Variants in ARHGEF12 observed in about 807,000 individuals in gnomAD.
ARHGEF12 encodes Rho guanine nucleotide exchange factor 12, also known as KMT2A/ARHGEF12 fusion protein.
ARHGEF12 carries 66 observed loss-of-function variants against 211.2 expected under a neutral mutation model. The ratio of observed to expected loss-of-function variants is 0.31; its 90% CI spans 0.26 to 0.38. The LOEUF is 0.38. Among genes scored for constraint, ARHGEF12 ranks in the 10% least tolerant of loss-of-function variants. ARHGEF12 has a pLI of 1.00. For missense variants in ARHGEF12, 1,429 were observed against 1,869.5 expected (o/e 0.76, Z 4.34); for synonymous variants, 592 against 638.4 (o/e 0.93, Z 1.09).
chr11:120,484,985 C>T, intron 40 of ARHGEF12, 82 bp from the exon 41 acceptor site: 3 of 1,436,564 alleles, frequency 2.1e-6, no homozygotes, highest in Non-Finnish European at 2.9e-6. Flanking sequence ...TGAACCACGC[C>T]CACAGATGTC....
rs185111682 is a variant in ARHGEF12 at position 120,444,769 on chromosome 11, T to G, written c.1303-653T>G. Among the ~76,000 whole-genome samples the G allele has an allele frequency of 1.2e-4, 18 of 152,280 alleles. No individual in the cohort carries two copies. The East Asian group carries it at 2.9e-3, about 24-fold the overall frequency. On this transcript the variant is annotated intron_variant, in intron 15 of 40. Transcript: ENST00000397843. The stretch of plus-strand genomic sequence containing the variant: ...GGGAAAACAACAGACTGGTAATTAT[T>G]ATGCAAATATTATGGGGAAAATCCT...
At chr11:120,409,529 C>A in intron 4 of ARHGEF12, 79 bp downstream of exon 4, 1 of 1,406,154 alleles carries the variant, frequency 7.1e-7, no homozygotes, top group Non-Finnish European at 9.9e-7. Context: ...TTTTTCCTTT[C>A]TTTCTTTCTT....
intron 1 of ARHGEF12, among the ~76,000 whole-genome samples, chr11:120,339,292 C>G (rs1942457974): frequency 6.6e-6 from 1 of 151,750 alleles, no homozygotes; most frequent in Admixed American, 6.6e-5. Context: ...TATAAAGCAT[C>G]CATTTGCTGT....
At chr11:120,365,187 T>C (rs112552566) in intron 1 of ARHGEF12, among the ~76,000 whole-genome samples, 143 of 152,178 alleles carry the variant, frequency 9.4e-4, no homozygotes, top group African/African-American at 3.4e-3. Context: ...ACTATGTGTA[T>C]ATATATATAT....
chr11:120,472,706 G>A (rs959562544), intron 30 of ARHGEF12, among the ~76,000 whole-genome samples: 2 of 151,838 alleles, frequency 1.3e-5, no homozygotes, highest in Middle Eastern at 3.2e-3. Context: ...CCAGGCTGGA[G>A]TGCAGTGGCG....
Position 120,486,945 on chromosome 11 carries a change from A to G in ARHGEF12, c.*1868A>G. ...ATGGGATTAAAAATTTTAGAAGCAG[A>G]AGCTAATATATAAATGAAGTTTGGG... On this transcript the variant is annotated 3_prime_UTR_variant, in exon 41 of 41. Coordinates refer to ENST00000397843, the MANE Select transcript of ARHGEF12 (RefSeq NM_015313.3). 4.7e-6 allele frequency: 1 copy of G among 211,468 alleles called. No homozygotes were observed. The highest frequency in any genetic ancestry group is 9.6e-6 in the Non-Finnish European group (1 of 104,242). 13.1% of individuals were successfully genotyped at this position (211,468 alleles called of 1,614,324 possible).
At chr11:120,396,649 C>A (rs1017478299) in intron 1 of ARHGEF12, among the ~76,000 whole-genome samples, 2 of 152,132 alleles carry the variant, frequency 1.3e-5, no homozygotes, top group African/African-American at 2.4e-5. Flanking sequence ...GGATATCACA[C>A]TCTATATAAA....
intron 1 of ARHGEF12, among the ~76,000 whole-genome samples, chr11:120,362,464 A>G (rs894431017): frequency 1.3e-5 from 2 of 152,186 alleles, no homozygotes; most frequent in African/African-American, 2.4e-5. Context: ...GTTGAATTGT[A>G]TAATCTCAAC....
In ARHGEF12 at chr11:120,338,010, C is replaced by CA. The variant is rs1302589925; in HGVS notation, c.32+736dup. ...TGAGTTCTGTGTCTGTCCTTTATAG[C>CA]ACCTACCAGTGTTGCATGGTGGTGG... is the stretch of plus-strand genomic sequence containing the variant. On this transcript the variant is annotated intron_variant, in intron 1 of 40. Transcript: ENST00000397843. 9 of 656,482 alleles carry CA rather than the reference C, an allele frequency of 1.4e-5. No individual in the cohort carries two copies. In the African/African-American group the frequency reaches 1.8e-4, roughly 13 times the overall value. The allele number at this position is 656,482 out of a possible 1,614,324, so 40.7% of individuals were successfully genotyped here.
At chr11:120,395,091 C>G (rs1206644341) in intron 1 of ARHGEF12, among the ~76,000 whole-genome samples, 1 of 146,500 alleles carries the variant, frequency 6.8e-6, no homozygotes, top group Non-Finnish European at 1.5e-5. Flanking sequence ...GATAAGGGAG[C>G]ATTATGAATA....
chr11:120,340,135 T>G (rs1170603800), intron 1 of ARHGEF12, among the ~76,000 whole-genome samples: 1 of 152,256 alleles, frequency 6.6e-6, no homozygotes, highest in African/African-American at 2.4e-5. Flanking sequence ...TTAGTCTGCA[T>G]TGATTGCTGC....
Position 120,459,354 on chromosome 11 carries a change from C to G in ARHGEF12, c.2527+34C>G, listed in dbSNP as rs764875758. On this transcript the variant is annotated intron_variant, in intron 26 of 40. Coordinates refer to ENST00000397843, the MANE Select transcript of ARHGEF12 (RefSeq NM_015313.3). ...AATTAGCTCTGATCTTTGCCCCTAA[C>G]ATTTCCAATAGAGAAAAGATTGTGA... 5 of 1,593,940 alleles carry G rather than the reference C, an allele frequency of 3.1e-6. No individual in the cohort carries two copies. In the South Asian group the frequency reaches 4.5e-5, roughly 14 times the overall value.
intron 1 of ARHGEF12, among the ~76,000 whole-genome samples, chr11:120,385,976 G>A (rs891940231): frequency 6.6e-6 from 1 of 152,102 alleles, no homozygotes; most frequent in East Asian, 1.9e-4. Flanking sequence ...ATTACAGTGG[G>A]GGAAGGGAGT....
intron 22 of ARHGEF12, 81 bp from the exon 23 acceptor site, chr11:120,457,037 G>A: frequency 2.9e-6 from 4 of 1,401,194 alleles, no homozygotes; most frequent in Non-Finnish European, 3.9e-6. Flanking sequence ...GGCTGAAGCT[G>A]TTCTGGGAAC....
intron 7 of ARHGEF12, among the ~76,000 whole-genome samples, 156 bp from the exon 8 acceptor site, chr11:120,427,913 T>C (rs1945396123): frequency 6.6e-6 from 1 of 152,194 alleles, no homozygotes; most frequent in African/African-American, 2.4e-5. Flanking sequence ...AAATTAGTTT[T>C]TTTTTCTGTG....
intron 22 of ARHGEF12, among the ~76,000 whole-genome samples, chr11:120,456,868 C>T (rs551315914): frequency 7.0e-4 from 107 of 152,026 alleles, no homozygotes; most frequent in African/African-American, 2.4e-3. Context: ...TGTGGTGGCA[C>T]GCAACTGTAG....
chr11:120,376,469 A>T (rs1943726851), intron 1 of ARHGEF12, among the ~76,000 whole-genome samples: 1 of 152,318 alleles, frequency 6.6e-6, no homozygotes, highest in African/African-American at 2.4e-5. Flanking sequence ...TTTAAAAAAT[A>T]GACTGAGATA....
chr11:120,457,137 A>C lies in ARHGEF12; in HGVS notation c.2076A>C (p.Glu692Asp). 6.2e-7 allele frequency: 1 copy of C among 1,613,956 alleles called. No individual in the cohort carries two copies. The highest frequency in any genetic ancestry group is 8.5e-7 in the Non-Finnish European group (1 of 1,179,924). Residue 692 changes from glutamate (E) to aspartate (D), a missense_variant, in exon 23 of 41, where the codon GAA (glutamate) becomes GAC (aspartate). By Grantham distance (45) the Glu-to-Asp change is conservative. Transcript: ENST00000397843. ...ENDTGSKQVGETSAPGDTLDG... is the reference protein window; with the variant it reads ...ENDTGSKQVGDTSAPGDTLDG... ...CTACAGGATCAAAGCAAGTTGGAGAAACATCAGCACCTGGAGACACCTTAG... is the reference window on the plus strand; with the variant it reads ...CTACAGGATCAAAGCAAGTTGGAGACACATCAGCACCTGGAGACACCTTAG...
Position 120,481,916 on chromosome 11 carries a change from C to T in ARHGEF12, c.4554+340C>T, listed in dbSNP as rs531540976. 4.3e-3 allele frequency among the ~76,000 whole-genome samples: 655 copies of T among 152,164 alleles called. 1 individual carries two copies. Among genetic ancestry groups the T allele is most frequent in the Non-Finnish European group, 7.4e-3 (503 of 67,986 alleles). On this transcript the variant is annotated intron_variant, in intron 39 of 40. Coordinates refer to ENST00000397843, the MANE Select transcript of ARHGEF12 (RefSeq NM_015313.3). ...CTGGGACTACAGGCACCCGCCCCCACGCCCAGCTAATTTTTTGTATTTTTA... is the reference window on the plus strand; with the variant it reads ...CTGGGACTACAGGCACCCGCCCCCATGCCCAGCTAATTTTTTGTATTTTTA...
Sources: gnomAD v4.1 joint callset for allele counts (sites outside exome capture counted in the v4.1 genomes callset) on GRCh38, gnomAD v4.1.1 for gene constraint, MANE v1.5 for transcripts, NCBI Gene and HGNC (gene_info 2026-07-23, HGNC 2026-07-21) for gene names.